The following SNTG1 variants were observed in gnomAD, a reference collection of about 807,000 sequenced individuals.
The protein encoded by SNTG1 is syntrophin gamma 1.
A neutral mutation model predicts 74.7 loss-of-function variants in SNTG1; 39 were observed. That is an observed-to-expected ratio of 0.52 (90% CI 0.40 to 0.68). The LOEUF (loss-of-function observed/expected upper bound fraction) is 0.68. Ranked by LOEUF, SNTG1 falls within the 30% of genes least tolerant of loss-of-function variation. SNTG1 has a pLI of 0.00. For missense variants in SNTG1, 685 were observed against 609.5 expected, an observed-to-expected ratio of 1.12 and a Z score of -1.30; for synonymous variants, 254 against 217.1, an observed-to-expected ratio of 1.17 and a Z score of -1.49.
chr8:50,725,538 T>C (rs2095498021), intron 17 of SNTG1, among the ~76,000 whole-genome samples: 1 of 152,166 alleles, frequency 6.6e-6, no homozygotes, highest in African/African-American at 2.4e-5. Context: ...GGTTACTGCT[T>C]ACAAACTCTA....
chr8:49,936,060 GA>G (rs969405453), intron 1 of SNTG1, among the ~76,000 whole-genome samples: 1 of 152,066 alleles, frequency 6.6e-6, no homozygotes, highest in African/African-American at 2.4e-5. Context: ...TATGAACACT[GA>G]AAAAAATCCT....
In SNTG1 at chr8:50,097,358, A is replaced by T. The variant is rs540074732; in HGVS notation, c.-102-75203A>T. On this transcript the variant is annotated intron_variant, in intron 1 of 18. Coordinates refer to ENST00000642720, the MANE Select transcript of SNTG1 (RefSeq NM_018967.5). ...TTGCTAGGAACTAATAGTTTTAAAC[A>T]AATGTAGCTTTAAAAAAAATTAAAA... Among the ~76,000 whole-genome samples, 94 of 152,344 alleles carry T rather than the reference A, an allele frequency of 6.2e-4. 1 individual carries two copies. The highest frequency in any genetic ancestry group is 2.0e-3 in the African/African-American group (84 of 41,578).
intron 1 of SNTG1, among the ~76,000 whole-genome samples, chr8:49,926,830 C>T (rs1186803788): frequency 6.6e-6 from 1 of 151,978 alleles, no homozygotes; most frequent in Non-Finnish European, 1.5e-5. Context: ...AAAATACTTG[C>T]AAAGGATATA....
chr8:50,105,182 A>C (rs1025676130), intron 1 of SNTG1, among the ~76,000 whole-genome samples: 3 of 152,130 alleles, frequency 2.0e-5, no homozygotes, highest in African/African-American at 7.2e-5. Flanking sequence ...TGAAGTCTTT[A>C]GTCCCTCTTG....
At chr8:50,238,490 C>T (rs1414157146) in intron 2 of SNTG1, among the ~76,000 whole-genome samples, 5 of 152,182 alleles carry the variant, frequency 3.3e-5, no homozygotes, top group African/African-American at 4.8e-5. Flanking sequence ...CAAAAATCAA[C>T]TTAAGATGGA....
At chr8:50,192,508 T>C (rs542732759) in intron 2 of SNTG1, among the ~76,000 whole-genome samples, 1 of 152,272 alleles carries the variant, frequency 6.6e-6, no homozygotes, top group Non-Finnish European at 1.5e-5. Flanking sequence ...TGGGATTGTT[T>C]GTTTTACTGA....
chr8:50,087,107 G>A (rs1822961071), intron 1 of SNTG1, among the ~76,000 whole-genome samples: 1 of 152,036 alleles, frequency 6.6e-6, no homozygotes, highest in Admixed American at 6.6e-5. Flanking sequence ...TAGTTTTTGT[G>A]AAATAAGTGA....
chr8:50,104,772 T>A (rs2080298679), intron 1 of SNTG1, among the ~76,000 whole-genome samples: 1 of 152,200 alleles, frequency 6.6e-6, no homozygotes, highest in Admixed American at 6.5e-5. Flanking sequence ...GTCTTTGTTC[T>A]TGTTGGTTTC....
intron 1 of SNTG1, among the ~76,000 whole-genome samples, chr8:50,103,923 G>T (rs998970017): frequency 1.3e-5 from 2 of 152,150 alleles, no homozygotes; most frequent in African/African-American, 4.8e-5. Context: ...ACTTGATCAT[G>T]CTGGATAAGC....
intron 18 of SNTG1, among the ~76,000 whole-genome samples, chr8:50,766,273 A>G (rs1380653318): frequency 2.6e-5 from 4 of 152,070 alleles, no homozygotes; most frequent in African/African-American, 9.7e-5. Context: ...ACCAGACTTT[A>G]GATAGGTAAG....
At chr8:50,693,585 G>A (rs1178548329) in intron 15 of SNTG1, among the ~76,000 whole-genome samples, 1 of 152,076 alleles carries the variant, frequency 6.6e-6, no homozygotes, top group Non-Finnish European at 1.5e-5. Context: ...AGGAAATACT[G>A]GATTTGAACA....
intron 1 of SNTG1, among the ~76,000 whole-genome samples, chr8:50,121,284 A>G (rs2080990896): frequency 1.4e-5 from 2 of 141,606 alleles, no homozygotes; most frequent in Admixed American, 1.5e-4. Context: ...AAAATTTCTG[A>G]GTTTTGGTTT....
At chr8:50,392,086 G>A (rs1044982404) in intron 2 of SNTG1, among the ~76,000 whole-genome samples, 3 of 152,092 alleles carry the variant, frequency 2.0e-5, no homozygotes, top group African/African-American at 7.2e-5. Context: ...GGAAAACTAG[G>A]AAAACACAGA....
At chr8:50,739,300 G>C (rs1001890528) in intron 17 of SNTG1, among the ~76,000 whole-genome samples, 1 of 151,768 alleles carries the variant, frequency 6.6e-6, no homozygotes, top group African/African-American at 2.4e-5. Context: ...TAGCCAACAA[G>C]CATATGAAAA....
At chr8:50,287,937 G>A (rs1045448610) in intron 2 of SNTG1, among the ~76,000 whole-genome samples, 2 of 152,008 alleles carry the variant, frequency 1.3e-5, no homozygotes, top group Admixed American at 1.3e-4. Context: ...TGTTTTCCAG[G>A]CTCATTGCAA....
At chr8:50,090,069 G>A (rs1435971042) in intron 1 of SNTG1, among the ~76,000 whole-genome samples, 3 of 152,166 alleles carry the variant, frequency 2.0e-5, no homozygotes, top group South Asian at 2.1e-4. Flanking sequence ...GTAACACATA[G>A]AAATTAAACA....
At chr8:50,308,711 G>A (rs1220401002) in intron 2 of SNTG1, among the ~76,000 whole-genome samples, 1 of 152,064 alleles carries the variant, frequency 6.6e-6, no homozygotes, top group African/African-American at 2.4e-5. Context: ...ACTCATTTAT[G>A]TGTTATTAAA....
chr8:50,506,767 T>C (rs1352369520), intron 9 of SNTG1, among the ~76,000 whole-genome samples: 1 of 152,064 alleles, frequency 6.6e-6, no homozygotes, highest in Non-Finnish European at 1.5e-5. Context: ...AAAGATAATT[T>C]TACTTCTTCA....
chr8:50,740,682 A>G (rs920634662), intron 17 of SNTG1, among the ~76,000 whole-genome samples: 2 of 152,066 alleles, frequency 1.3e-5, no homozygotes, highest in Non-Finnish European at 2.9e-5. Flanking sequence ...ATAAAGAGAG[A>G]TGCACAAGTA....
Sources: allele counts gnomAD v4.1 joint callset (sites outside exome capture counted in the v4.1 genomes callset), GRCh38; gene constraint gnomAD v4.1.1; transcripts MANE v1.5; gene names NCBI Gene and HGNC (gene_info 2026-07-23, HGNC 2026-07-21).